The following PCSK6 variants were observed in gnomAD, a reference collection of about 807,000 sequenced individuals.
The protein encoded by PCSK6 is paired basic amino acid cleaving enzyme 4.
Under a neutral mutation model 123.3 loss-of-function variants are expected in PCSK6, and 85 were observed. The observed-to-expected ratio is 0.69, with a 90% CI of 0.58 to 0.83. The LOEUF (loss-of-function observed/expected upper bound fraction) is 0.83, where lower values mean the gene tolerates loss of function less well. Among genes scored for constraint, PCSK6 ranks in the 40% least tolerant of loss-of-function variants. The probability of loss-of-function intolerance (pLI) is 0.00; values close to 1 mark genes in which losing one functional copy is unlikely to be tolerated. For synonymous variants in PCSK6, 508 were observed against 516.0 expected (o/e 0.98, Z 0.21); for missense variants, 1,191 against 1,282.3 (o/e 0.93, Z 1.09).
At chr15:101,336,164 C>G (rs561169280) in intron 13 of PCSK6, among the ~76,000 whole-genome samples, 44 of 152,352 alleles carry the variant, frequency 2.9e-4, no homozygotes, top group African/African-American at 1.0e-3. Context: ...ACAACAGGGT[C>G]TGGAACCTGG....
chr15:101,448,690 T>G (rs1385851476), intron 1 of PCSK6, among the ~76,000 whole-genome samples: 1 of 152,240 alleles, frequency 6.6e-6, no homozygotes, highest in Non-Finnish European at 1.5e-5. Flanking sequence ...AGTGAAACTG[T>G]TCAAGATTCA....
intron 8 of PCSK6, among the ~76,000 whole-genome samples, chr15:101,390,022 C>A (rs551178513): frequency 2.0e-5 from 3 of 152,338 alleles, no homozygotes; most frequent in African/African-American, 7.2e-5. Context: ...GACTTCAGAG[C>A]AGCTAGAGAT....
At position 101,355,880 on chromosome 15, in the gene PCSK6, G is replaced by A. The variant is rs188383365; in HGVS notation, c.1858+10316C>T. On this transcript the variant is annotated intron_variant, in intron 13 of 21. Transcript: ENST00000611716. ...AGGTGCAACCACCAACGTAGGCTCCGAGGCAAGAAGGGCGGGCTGGGAAGG... is the reference window on the plus strand; with the variant it reads ...AGGTGCAACCACCAACGTAGGCTCCAAGGCAAGAAGGGCGGGCTGGGAAGG... Among the ~76,000 whole-genome samples the A allele has an allele frequency of 2.3e-3, 347 of 152,266 alleles. 2 individuals carry two copies. Among genetic ancestry groups the A allele is most frequent in the African/African-American group, 7.1e-3 (293 of 41,538 alleles).
At position 101,489,608 on chromosome 15, in the gene PCSK6, G is replaced by C. The variant is rs1392257514; in HGVS notation, c.63C>G (p.Thr21=). 2.1e-6 allele frequency: 2 copies of C among 966,972 alleles called. No individual in the cohort carries two copies. Among genetic ancestry groups the C allele is most frequent in the Admixed American group, 1.3e-4 (2 of 14,930 alleles). The allele number at this position is 966,972 out of a possible 1,614,324, so 59.9% of individuals were successfully genotyped here. The change falls in exon 1 of 22, where the codon ACC becomes ACG. Residue 21 remains threonine (T), a synonymous_variant. Coordinates refer to ENST00000611716, the MANE Select transcript of PCSK6 (RefSeq NM_002570.5). The stretch of plus-strand genomic sequence containing the variant: ...CGCCCCCCGCGCCCGCGGCGGTGTC[G>C]GTGGCGGCGGCGGCCCGGGGCGGCG... The part of the protein sequence containing the change: ...PRPPPRAAAA[T]DTAAGAGGAG...
chr15:101,429,910 C>A, intron 5 of PCSK6, 77 bp downstream of exon 5: 1 of 1,288,218 alleles, frequency 7.8e-7, no homozygotes, highest in Non-Finnish European at 1.1e-6. Context: ...GCCTCTCCAG[C>A]TCCCTCGCAC....
chr15:101,411,710 C>A (rs1014919156), intron 6 of PCSK6, among the ~76,000 whole-genome samples: 1 of 150,932 alleles, frequency 6.6e-6, no homozygotes, highest in Non-Finnish European at 1.5e-5. Context: ...AACCGTGGTA[C>A]CACCCCGACC....
chr15:101,428,724 T>C (rs1178849808), intron 5 of PCSK6, among the ~76,000 whole-genome samples: 1 of 152,192 alleles, frequency 6.6e-6, no homozygotes, highest in Non-Finnish European at 1.5e-5. Flanking sequence ...GAATCATTGA[T>C]TCAAATTTAA....
chr15:101,424,942 G>A (rs75411944), intron 6 of PCSK6, among the ~76,000 whole-genome samples: 1,875 of 152,252 alleles, frequency 0.012, 36 homozygotes, highest in African/African-American at 0.043. Flanking sequence ...AAGAGATGAG[G>A]GTCACAGTTC....
chr15:101,395,219 A>G (rs896117865), intron 7 of PCSK6, among the ~76,000 whole-genome samples: 1 of 152,180 alleles, frequency 6.6e-6, no homozygotes, highest in African/African-American at 2.4e-5. Context: ...CTCCAGGAGC[A>G]GAGAATGGCC....
At chr15:101,385,931 G>A (rs2141522033) in intron 9 of PCSK6, among the ~76,000 whole-genome samples, 1 of 152,228 alleles carries the variant, frequency 6.6e-6, no homozygotes, top group East Asian at 1.9e-4. Flanking sequence ...TGCCTACCTA[G>A]GACTTTCTAT....
chr15:101,484,550 A>G (rs530063579), intron 1 of PCSK6, among the ~76,000 whole-genome samples: 281 of 151,996 alleles, frequency 1.8e-3, no homozygotes, highest in African/African-American at 6.1e-3. Flanking sequence ...CACCACGCCC[A>G]GCTAATTTTC....
At chr15:101,414,155 T>C (rs1308693352) in intron 6 of PCSK6, among the ~76,000 whole-genome samples, 1 of 152,166 alleles carries the variant, frequency 6.6e-6, no homozygotes, top group Non-Finnish European at 1.5e-5. Flanking sequence ...TTTTAAATTA[T>C]GAGTGAAAAT....
At chr15:101,331,489 G>A (rs1158838515) in intron 15 of PCSK6, among the ~76,000 whole-genome samples, 162 bp downstream of exon 15, 1 of 152,200 alleles carries the variant, frequency 6.6e-6, no homozygotes, top group African/African-American at 2.4e-5. Context: ...GTACTTGAGG[G>A]AGTCAGGAGG....
chr15:101,361,804 G>A (rs1291341826), intron 13 of PCSK6, among the ~76,000 whole-genome samples: 1 of 152,130 alleles, frequency 6.6e-6, no homozygotes, highest in Non-Finnish European at 1.5e-5. Context: ...AGGCAGGGGG[G>A]CCAGTGGAAT....
At chr15:101,472,256 C>T (rs1007531311) in intron 1 of PCSK6, among the ~76,000 whole-genome samples, 1 of 152,170 alleles carries the variant, frequency 6.6e-6, no homozygotes, top group South Asian at 2.1e-4. Context: ...ATGAAGGGGC[C>T]GACGCAGAAA....
intron 6 of PCSK6, among the ~76,000 whole-genome samples, chr15:101,420,015 C>A (rs552457809): frequency 1.3e-5 from 2 of 151,634 alleles, no homozygotes; most frequent in African/African-American, 4.8e-5. Flanking sequence ...AGTGAAACAC[C>A]GTCTTTACAT....
At chr15:101,423,157 AAGAT>A (rs763087035) in intron 6 of PCSK6, among the ~76,000 whole-genome samples, 2 of 152,246 alleles carry the variant, frequency 1.3e-5, no homozygotes, top group Non-Finnish European at 1.5e-5. Context: ...TCTAGAATAA[AAGAT>A]AGATATCATG....
Position 101,424,743 on chromosome 15 carries a change from A to G in PCSK6, c.823+3149T>C, listed in dbSNP as rs2643344. Among the ~76,000 whole-genome samples the G allele has an allele frequency of 4.5e-4, 69 of 152,350 alleles. 1 individual carries two copies. The highest frequency in any genetic ancestry group is 3.2e-3 in the Admixed American group (49 of 15,312). On this transcript the variant is annotated intron_variant, in intron 6 of 21. Coordinates refer to ENST00000611716, the MANE Select transcript of PCSK6 (RefSeq NM_002570.5). Reference sequence around the variant, plus strand: ...ATCTATAAAAACAACAGCACAAACAATGACAGTGATGGTGAATGGAAACAA... The same window carrying G: ...ATCTATAAAAACAACAGCACAAACAGTGACAGTGATGGTGAATGGAAACAA...
At chr15:101,350,391 TTATC>T (rs1399147446) in intron 13 of PCSK6, among the ~76,000 whole-genome samples, 1 of 152,230 alleles carries the variant, frequency 6.6e-6, no homozygotes, top group Non-Finnish European at 1.5e-5. Flanking sequence ...CACTCTGTGA[TTATC>T]TAACCTCTAC....
Sources: gnomAD v4.1 joint callset for allele counts (sites outside exome capture counted in the v4.1 genomes callset) on GRCh38, gnomAD v4.1.1 for gene constraint, MANE v1.5 for transcripts, NCBI Gene and HGNC (gene_info 2026-07-23, HGNC 2026-07-21) for gene names.